Variants in PPP2R5D observed in about 807,000 individuals in gnomAD.
The protein encoded by PPP2R5D is protein phosphatase 2 regulatory subunit B'delta, also known as serine/threonine-protein phosphatase 2A 56 kDa regulatory subunit delta isoform.
PPP2R5D carries 12 observed loss-of-function variants against 79.1 expected under a neutral mutation model. The ratio of observed to expected loss-of-function variants is 0.15; its 90% CI spans 0.10 to 0.25. The LOEUF (loss-of-function observed/expected upper bound fraction) is 0.25. Ranked by LOEUF, PPP2R5D falls within the 10% of genes least tolerant of loss-of-function variation. PPP2R5D has a pLI of 1.00. For synonymous variants in PPP2R5D, 277 were observed against 286.6 expected (o/e 0.97, Z 0.34); for missense variants, 419 against 760.2 (o/e 0.55, Z 5.28).
rs749097692 is a variant in PPP2R5D at position 43,011,310 on chromosome 6, CCACAGCCCA to C, written c.*33_*41del. On this transcript the variant is annotated 3_prime_UTR_variant, in exon 16 of 16. Transcript: ENST00000485511. The stretch of plus-strand genomic sequence containing the variant: ...GACCCCTCACGTTCCTACCACAGGG[CCACAGCCCA>C]CACAGCCCTGGGACACTGCCCTGGC... 13 of 1,613,018 alleles carry C rather than the reference CCACAGCCCA, an allele frequency of 8.1e-6. 1 individual carries two copies. In the East Asian group the frequency reaches 2.7e-4, roughly 33 times the overall value.
Position 43,007,092 on chromosome 6 carries a change from C to T in PPP2R5D, c.504C>T (p.Tyr168=). The change falls in exon 4 of 16, where the codon TAC becomes TAT. Residue 168 remains tyrosine, a synonymous_variant. Transcript: ENST00000485511. This position sits in a 1 kb window ranked among gnomAD's most constrained non-coding sequence, Gnocchi z 4.5. ...GTGATGTTGTCACTGAGGCCATTTA[C>T]CCTGAGGCTGTCACCATGGTGGGCA... is the stretch of plus-strand genomic sequence containing the variant. The part of the protein sequence containing the change: ...HSRDVVTEAI[Y]PEAVTMFSVN... 2 of 1,614,118 alleles carry T rather than the reference C, an allele frequency of 1.2e-6. No homozygotes were observed. Among genetic ancestry groups the T allele is most frequent in the African/African-American group, 1.3e-5 (1 of 75,006 alleles).
chr6:42,989,864 T>G (rs1277787828), intron 2 of PPP2R5D, among the ~76,000 whole-genome samples, 176 bp downstream of exon 2: 2 of 152,250 alleles, frequency 1.3e-5, no homozygotes, highest in Non-Finnish European at 2.9e-5. Context: ...TTGGTTGGTA[T>G]AGACCAAATA....
chr6:42,999,996 C>T (rs1432902696), intron 2 of PPP2R5D, among the ~76,000 whole-genome samples: 2 of 151,654 alleles, frequency 1.3e-5, no homozygotes, highest in Non-Finnish European at 2.9e-5. Context: ...AGTGCAGTGG[C>T]GTGAGCTCGG....
At chr6:42,984,764 G>A in intron 1 of PPP2R5D, 60 bp downstream of exon 1, 1 of 1,607,394 alleles carries the variant, frequency 6.2e-7, no homozygotes, top group Non-Finnish European at 8.5e-7. Flanking sequence ...CTCTGGGAGG[G>A]GCCGGAGCCA....
At position 42,990,972 on chromosome 6, in the gene PPP2R5D, A is replaced by G. The variant is rs553092785; in HGVS notation, c.105+1284A>G. Among the ~76,000 whole-genome samples, 5 of 152,124 alleles carry G rather than the reference A, an allele frequency of 3.3e-5. No homozygotes were observed. In the South Asian group the frequency reaches 8.3e-4, roughly 25 times the overall value. On this transcript the variant is annotated intron_variant, in intron 2 of 15. Coordinates refer to ENST00000485511, the MANE Select transcript of PPP2R5D (RefSeq NM_006245.4). ...GGTGATCCACCCGCCTCAGCCTCCC[A>G]AAGTGCTGGGATTACAGGCGTGAGC...
chr6:42,994,894 G>A (rs140301031), intron 2 of PPP2R5D, among the ~76,000 whole-genome samples: 85 of 151,884 alleles, frequency 5.6e-4, no homozygotes, highest in African/African-American at 2.0e-3. Flanking sequence ...AGTAGGGACA[G>A]AGGGAGGAAT....
chr6:42,988,240 A>G (rs1322990725), intron 1 of PPP2R5D, among the ~76,000 whole-genome samples: 1 of 152,156 alleles, frequency 6.6e-6, no homozygotes, highest in Non-Finnish European at 1.5e-5. Context: ...GCTGCTATTG[A>G]ATTGCACAAT....
intron 2 of PPP2R5D, among the ~76,000 whole-genome samples, chr6:42,998,043 ATATATATATATATATT>A (rs1771880211): frequency 5.0e-5 from 1 of 19,996 alleles, no homozygotes; most frequent in Non-Finnish European, 1.1e-4. Flanking sequence ...ATATATATAT[ATATATATATATATATT>A]TTTTTTTTTT....
rs1009836456 is a variant in PPP2R5D, at chr6:42,984,615, G to A, written c.-63G>A. The A allele has an allele frequency of 7.1e-6, 11 of 1,551,180 alleles. No individual in the cohort carries two copies. Among genetic ancestry groups the A allele is most frequent in the Admixed American group, 6.0e-5 (3 of 49,940 alleles). ...AAGAGACGCCGAGCGGGCCGAGTGC[G>A]GCCGAGCAAAGCCGGAGCCGGAGCG... On this transcript the variant is annotated 5_prime_UTR_variant, in exon 1 of 16. Transcript: ENST00000485511.
Position 43,009,377 on chromosome 6 carries a change from G to A in PPP2R5D, c.1307G>A (p.Ser436Asn). ...AATGAGTACATCATGAGCCTGATAA[G>A]TGACAATGCTGCCCGAGTCCTCCCC... is the stretch of plus-strand genomic sequence containing the variant. ...WNNEYIMSLISDNAARVLPIM... is the reference protein window; with the variant it reads ...WNNEYIMSLINDNAARVLPIM... Residue 436 changes from serine to asparagine, a missense_variant, in exon 12 of 16, where the codon AGT (serine) becomes AAT (asparagine). Coordinates refer to ENST00000485511, the MANE Select transcript of PPP2R5D (RefSeq NM_006245.4). This position sits in a 1 kb window ranked among gnomAD's most constrained non-coding sequence, Gnocchi z 5.6. 6.2e-7 allele frequency: 1 copy of A among 1,614,130 alleles called. No homozygotes were observed. Among genetic ancestry groups the A allele is most frequent in the Non-Finnish European group, 8.5e-7 (1 of 1,180,024 alleles).
rs1770679621 is a variant in PPP2R5D, at chr6:42,984,597, G to A, written c.-81G>A. On this transcript the variant is annotated 5_prime_UTR_variant, in exon 1 of 16. Transcript: ENST00000485511. ...AGCGCGCAGGCGGTGGCGAAGAGAC[G>A]CCGAGCGGGCCGAGTGCGGCCGAGC... The A allele has an allele frequency of 6.6e-7, 1 of 1,505,666 alleles. No homozygotes were observed. Among genetic ancestry groups the A allele is most frequent in the Non-Finnish European group, 8.9e-7 (1 of 1,128,068 alleles). The allele number at this position is 1,505,666 out of a possible 1,614,324, so 93.3% of individuals were successfully genotyped here. A position where few individuals can be genotyped will look rare whatever the true frequency, so the allele number is the denominator to read the frequency against.
Position 43,006,564 on chromosome 6 carries a change from C to T in PPP2R5D, c.207C>T (p.Leu69=). 1 of 1,614,164 alleles carries T rather than the reference C, an allele frequency of 6.2e-7. No individual in the cohort carries two copies. Among genetic ancestry groups the T allele is most frequent in the Non-Finnish European group, 8.5e-7 (1 of 1,180,050 alleles). ...ATAGCACGCCGCCCCCCACGCAGCT[C>T]AGCAAAATCAAGTACTCAGGGGGGC... The part of the protein sequence containing the change: ...PSNSTPPPTQ[L]SKIKYSGGPQ... The change falls in exon 3 of 16, where the codon CTC becomes CTT. Residue 69 remains leucine, a synonymous_variant. Coordinates refer to ENST00000485511, the MANE Select transcript of PPP2R5D (RefSeq NM_006245.4). This position sits in a 1 kb window ranked among gnomAD's most constrained non-coding sequence, Gnocchi z 4.7.
At chr6:42,994,543 G>T (rs979359435) in intron 2 of PPP2R5D, among the ~76,000 whole-genome samples, 4 of 152,038 alleles carry the variant, frequency 2.6e-5, no homozygotes, top group Non-Finnish European at 5.9e-5. Flanking sequence ...ATGTCCTCAC[G>T]CCTGTAATCC....
intron 1 of PPP2R5D, among the ~76,000 whole-genome samples, chr6:42,984,970 C>T (rs534077291): frequency 6.6e-6 from 1 of 151,312 alleles, no homozygotes; most frequent in East Asian, 2.0e-4. Context: ...CCCAGGGTAA[C>T]CTCCTTCTTC....
rs768938592 is a variant in PPP2R5D at position 43,007,026 on chromosome 6, G to T, written c.438G>T (p.Arg146=). 6.2e-6 allele frequency: 10 copies of T among 1,614,040 alleles called. No individual in the cohort carries two copies. In the African/African-American group the frequency reaches 1.1e-4, roughly 17 times the overall value. ...ACCTCAAATTCAAGGAGGTGAAGCG[G>T]GCAGGACTCAACGAGATGGTGGAGT... ...LSDLKFKEVK[R]AGLNEMVEYI... The change falls in exon 4 of 16, where the codon CGG becomes CGT. Residue 146 remains arginine (R), a synonymous_variant. Coordinates refer to ENST00000485511, the MANE Select transcript of PPP2R5D (RefSeq NM_006245.4). This position sits in a 1 kb window ranked among gnomAD's most constrained non-coding sequence, Gnocchi z 4.5.
intron 2 of PPP2R5D, among the ~76,000 whole-genome samples, chr6:42,996,299 C>T (rs1771682315): frequency 6.6e-6 from 1 of 150,636 alleles, no homozygotes; most frequent in African/African-American, 2.4e-5. Flanking sequence ...CCCGTCTCTA[C>T]TAAAAAATAC....
At chr6:42,996,955 T>G (rs1035432663) in intron 2 of PPP2R5D, among the ~76,000 whole-genome samples, 1 of 152,126 alleles carries the variant, frequency 6.6e-6, no homozygotes, top group Non-Finnish European at 1.5e-5. Flanking sequence ...CATCTTTCTC[T>G]TATATTAAAT....
At chr6:42,993,343 C>T (rs1468796439) in intron 2 of PPP2R5D, among the ~76,000 whole-genome samples, 1 of 150,744 alleles carries the variant, frequency 6.6e-6, no homozygotes, top group East Asian at 1.9e-4. Flanking sequence ...AGTGGTGGCG[C>T]ACCTGTAATC....
rs776193665 is a variant in PPP2R5D at position 43,010,872 on chromosome 6, C to T, written c.1555-9C>T. 1.2e-6 allele frequency: 2 copies of T among 1,611,002 alleles called. No homozygotes were observed. Among genetic ancestry groups the T allele is most frequent in the Admixed American group, 1.7e-5 (1 of 59,814 alleles). ...GGCTCTTAACGCTTGTCCATGTCTC[C>T]TCACTCAGTATCCCATGTTCCGAGC... On this transcript the variant is annotated splice_polypyrimidine_tract_variant and intron_variant, in intron 14 of 15. Transcript: ENST00000485511. This position sits in a 1 kb window ranked among gnomAD's most constrained non-coding sequence, Gnocchi z 4.7.
Sources: allele counts gnomAD v4.1 joint callset (sites outside exome capture counted in the v4.1 genomes callset), GRCh38; gene constraint gnomAD v4.1.1; non-coding constraint Gnocchi (gnomAD v3.1); transcripts MANE v1.5; gene names NCBI Gene and HGNC (gene_info 2026-07-23, HGNC 2026-07-21).